Variants in CYP2R1 observed in about 807,000 individuals in gnomAD.
CYP2R1 encodes vitamin D 25-hydroxylase.
In CYP2R1, 40 loss-of-function variants were observed where a neutral mutation model predicts 45.7. That is an observed-to-expected ratio of 0.87 (90% CI 0.68 to 1.14). The LOEUF is 1.14. Among genes scored for constraint, CYP2R1 ranks in the 50% most tolerant of loss-of-function variants. The probability of loss-of-function intolerance (pLI) is 0.00; values close to 1 mark genes in which losing one functional copy is unlikely to be tolerated. For missense variants in CYP2R1, 605 were observed against 602.6 expected (o/e 1.00, Z -0.04); for synonymous variants, 234 against 219.3 (o/e 1.07, Z -0.59).
chr11:14,891,970 C>G lies in CYP2R1; in HGVS notation c.225+11G>C. On this transcript the variant is annotated intron_variant, in intron 1 of 4. Coordinates refer to ENST00000334636, the MANE Select transcript of CYP2R1 (RefSeq NM_024514.5). ...GCGGCCCTCCCTGCCCGGGGCCCGT[C>G]GGGGCTGTACCTCTCCGTACACCTG... is the stretch of plus-strand genomic sequence containing the variant. 6.2e-7 allele frequency: 1 copy of G among 1,612,108 alleles called. No individual in the cohort carries two copies. Among genetic ancestry groups the G allele is most frequent in the Non-Finnish European group, 8.5e-7 (1 of 1,179,422 alleles).
chr11:14,878,125 G>A lies in CYP2R1; in HGVS notation c.1503C>T (p.Arg501=), dbSNP rs1350207175. The change falls in exon 5 of 5, where the codon CGC becomes CGT. Residue 501 remains arginine (R), a synonymous_variant. Transcript: ENST00000334636. ...PQPYLICAER[R] Reference sequence around the variant, plus strand: ...CCCGAAAACATCCCAGGCAGTTTCAGCGTCTTTCAGCACAGATGAGGTAGG... The same window carrying A: ...CCCGAAAACATCCCAGGCAGTTTCAACGTCTTTCAGCACAGATGAGGTAGG... 2.5e-6 allele frequency: 4 copies of A among 1,612,812 alleles called. No individual in the cohort carries two copies. Among genetic ancestry groups the A allele is most frequent in the Non-Finnish European group, 3.4e-6 (4 of 1,179,320 alleles).
At chr11:14,883,610 G>A (rs561333130) in intron 2 of CYP2R1, among the ~76,000 whole-genome samples, 1 of 152,178 alleles carries the variant, frequency 6.6e-6, no homozygotes, top group East Asian at 1.9e-4. Context: ...TTACCATTCA[G>A]GAGATAGGCA....
Position 14,877,853 on chromosome 11 carries a change from C to T in CYP2R1, c.*269G>A. ...AAACAAGATGCTCAGCTTAGGGCGT[C>T]CATGACCCTTCTTAGCATTTTAAGC... On this transcript the variant is annotated 3_prime_UTR_variant, in exon 5 of 5. Transcript: ENST00000334636. 1 of 422,472 alleles carries T rather than the reference C, an allele frequency of 2.4e-6. No individual in the cohort carries two copies. The highest frequency in any genetic ancestry group is 6.6e-4 in the Middle Eastern group (1 of 1,508). The allele number at this position is 422,472 out of a possible 1,614,324, so 26.2% of individuals were successfully genotyped here. A position where few individuals can be genotyped will look rare whatever the true frequency, so the allele number is the denominator to read the frequency against.
At chr11:14,879,040 A>G (rs1555010716) in intron 4 of CYP2R1, 74 bp downstream of exon 4, 4 of 1,191,402 alleles carry the variant, frequency 3.4e-6, no homozygotes, top group Non-Finnish European at 5.0e-6. Context: ...AGGATGCTTC[A>G]GATTAAGATG....
In CYP2R1 at chr11:14,880,536, G is replaced by A; in HGVS notation, c.600C>T (p.Phe200=). ...GCTGAAAATCGGTGTCTTCATAAGTGAATCGTTCTCCAAAAATGATCAGAT... is the reference window on the plus strand; with the variant it reads ...GCTGAAAATCGGTGTCTTCATAAGTAAATCGTTCTCCAAAAATGATCAGAT... ...ITNLIIFGER[F]TYEDTDFQHM... The change falls in exon 3 of 5, where the codon TTC becomes TTT. Residue 200 remains phenylalanine, a synonymous_variant. Transcript: ENST00000334636. 1 of 1,613,446 alleles carries A rather than the reference G, an allele frequency of 6.2e-7. No individual in the cohort carries two copies. The highest frequency in any genetic ancestry group is 1.7e-5 in the Admixed American group (1 of 59,852).
chr11:14,877,604 A>C lies in CYP2R1; in HGVS notation c.*518T>G, dbSNP rs1848207896. The C allele has an allele frequency of 6.6e-6, 1 of 152,626 alleles. No homozygotes were observed. The highest frequency in any genetic ancestry group is 6.5e-5 in the Admixed American group (1 of 15,312). 9.5% of individuals were successfully genotyped at this position (152,626 alleles called of 1,614,324 possible). A position where few individuals can be genotyped will look rare whatever the true frequency, so the allele number is the denominator to read the frequency against. On this transcript the variant is annotated 3_prime_UTR_variant, in exon 5 of 5. Coordinates refer to ENST00000334636, the MANE Select transcript of CYP2R1 (RefSeq NM_024514.5). ...GAAAGCACTGGCAGGCTCTACATTA[A>C]ATACATATTTCTTCTACCATCTCCC...
chr11:14,887,943 T>C (rs1221075929), intron 1 of CYP2R1, among the ~76,000 whole-genome samples: 10 of 152,220 alleles, frequency 6.6e-5, no homozygotes, highest in Non-Finnish European at 1.3e-4. Context: ...CCTAATTTCA[T>C]CCTTGTCTTT....
In CYP2R1 at chr11:14,878,178, T is replaced by G; in HGVS notation, c.1450A>C (p.Arg484=). The change falls in exon 5 of 5, where the codon AGG becomes CGG. Residue 484 remains arginine, a synonymous_variant. Transcript: ENST00000334636. ...TGGGGCTGCAATGTCATGCCTAACC[T>G]GGGCTTCAGATCTGGAACTAGTTCA... The part of the protein sequence containing the change: ...PHELVPDLKP[R]LGMTLQPQPY... 1 of 1,613,214 alleles carries G rather than the reference T, an allele frequency of 6.2e-7. No homozygotes were observed. The highest frequency in any genetic ancestry group is 8.5e-7 in the Non-Finnish European group (1 of 1,179,478).
rs545808963 is a variant in CYP2R1 at position 14,891,007 on chromosome 11, C to T, written c.225+974G>A. 1.2e-5 allele frequency: 12 copies of T among 985,444 alleles called. No individual in the cohort carries two copies. In the Admixed American group the frequency reaches 6.8e-4, roughly 55 times the overall value. The allele number at this position is 985,444 out of a possible 1,614,324, so 61.0% of individuals were successfully genotyped here. A position where few individuals can be genotyped will look rare whatever the true frequency, so the allele number is the denominator to read the frequency against. ...TTTCTCTCTCCCACTCATCTGCCAA[C>T]TCCTTAAAAGGCTGTATCTGCCTTC... On this transcript the variant is annotated intron_variant, in intron 1 of 4. Transcript: ENST00000334636.
intron 1 of CYP2R1, among the ~76,000 whole-genome samples, chr11:14,889,975 A>G (rs1431870592): frequency 6.6e-6 from 1 of 151,988 alleles, no homozygotes; most frequent in Non-Finnish European, 1.5e-5. Context: ...AAAAATTACA[A>G]AAAATTAGCC....
At chr11:14,883,693 T>C (rs1276009248) in intron 2 of CYP2R1, among the ~76,000 whole-genome samples, 2 of 152,054 alleles carry the variant, frequency 1.3e-5, no homozygotes, top group Admixed American at 6.5e-5. Flanking sequence ...TGGGATCTAA[T>C]TAAACTCAAG....
In CYP2R1 at chr11:14,880,447, T is replaced by C. The variant is rs1848333656; in HGVS notation, c.689A>G (p.Asn230Ser). 6.2e-7 allele frequency: 1 copy of C among 1,613,472 alleles called. No individual in the cohort carries two copies. The highest frequency in any genetic ancestry group is 8.5e-7 in the Non-Finnish European group (1 of 1,179,684). The change falls in exon 3 of 5, where the codon AAT becomes AGT. Residue 230 changes from asparagine (N) to serine (S), a missense_variant. Physicochemically the swap from Asn to Ser is conservative, Grantham distance 46 (BLOSUM62 1). Coordinates refer to ENST00000334636, the MANE Select transcript of CYP2R1 (RefSeq NM_024514.5). ...CAGGATGCCAATCCATGGAAAGGCA[T>C]TATACAAGAAGACTGAGGCACTGGC... is the stretch of plus-strand genomic sequence containing the variant. ...LAASASVFLYNAFPWIGILPF... is the reference protein window; with the variant it reads ...LAASASVFLYSAFPWIGILPF...
chr11:14,891,632 G>C (rs1374199478), intron 1 of CYP2R1: 1 of 1,102,100 alleles, frequency 9.1e-7, no homozygotes, highest in Non-Finnish European at 1.1e-6. Flanking sequence ...CCGCACCTGA[G>C]GGCATGCGTC....
rs1425830673 is a variant in CYP2R1 at position 14,885,930 on chromosome 11, A to G, written c.226-13T>C. 6.2e-7 allele frequency: 1 copy of G among 1,612,238 alleles called. No individual in the cohort carries two copies. The highest frequency in any genetic ancestry group is 8.5e-7 in the Non-Finnish European group (1 of 1,178,706). Reference sequence around the variant, plus strand: ...CTAAACTGAAGATCTTTGAGAAGAGAAGAAAAACAACATTTAAATGACAGC... The same window carrying G: ...CTAAACTGAAGATCTTTGAGAAGAGGAGAAAAACAACATTTAAATGACAGC... On this transcript the variant is annotated splice_polypyrimidine_tract_variant and intron_variant, in intron 1 of 4. Coordinates refer to ENST00000334636, the MANE Select transcript of CYP2R1 (RefSeq NM_024514.5).
chr11:14,885,057 A>G (rs1848560769), intron 2 of CYP2R1, among the ~76,000 whole-genome samples: 1 of 152,090 alleles, frequency 6.6e-6, no homozygotes, highest in South Asian at 2.1e-4. Context: ...TTTTCAACCA[A>G]TGTCTTTAGT....
intron 4 of CYP2R1, 129 bp downstream of exon 4, chr11:14,878,985 G>A: frequency 1.3e-6 from 1 of 764,268 alleles, no homozygotes; most frequent in East Asian, 2.7e-5. Context: ...TCTCCTGTTA[G>A]AATCAGTTCT....
rs782615481 is a variant in CYP2R1, at chr11:14,892,192, C to G, written c.14G>C (p.Trp5Ser). 33 of 1,610,180 alleles carry G rather than the reference C, an allele frequency of 2.0e-5. No individual in the cohort carries two copies. The highest frequency in any genetic ancestry group is 2.7e-5 in the Non-Finnish European group (32 of 1,179,818). ...CGCCGCCGCGCCCTCTTCAGCTCTC[C>G]AAAGCTTCCACATCGGCCCGAGCTG... The part of the protein sequence containing the change: MWKL[W>S]RAEEGAAALG... Residue 5 changes from tryptophan (W) to serine (S), a missense_variant, in exon 1 of 5, where the codon TGG becomes TCG. Coordinates refer to ENST00000334636, the MANE Select transcript of CYP2R1 (RefSeq NM_024514.5).
intron 2 of CYP2R1, 74 bp from the exon 3 acceptor site, chr11:14,880,842 T>C (rs1565179935): frequency 7.0e-7 from 1 of 1,422,110 alleles, no homozygotes; most frequent in Non-Finnish European, 9.5e-7. Flanking sequence ...ACAAAATTTT[T>C]TTAATGGATG....
rs782794787 is a variant in CYP2R1 at position 14,892,002 on chromosome 11, C to G, written c.204G>C (p.Lys68Asn). 3.7e-6 allele frequency: 6 copies of G among 1,613,466 alleles called. No homozygotes were observed. Among genetic ancestry groups the G allele is most frequent in the African/African-American group, 1.3e-5 (1 of 75,038 alleles). ...SSELPHVYMR[K>N]QSQVYGEIFS... is the part of the protein sequence containing the mutation. ...GTACCTCTCCGTACACCTGGCTCTGCTTTCTCATGTAGACATGGGGAAGCT... is the reference window on the plus strand; with the variant it reads ...GTACCTCTCCGTACACCTGGCTCTGGTTTCTCATGTAGACATGGGGAAGCT... The change falls in exon 1 of 5, where the codon AAG becomes AAC. Residue 68 changes from lysine to asparagine, a missense_variant. By Grantham distance (94) the Lys-to-Asn change is moderately conservative. Transcript: ENST00000334636.
Sources: gnomAD v4.1 joint callset for allele counts (sites outside exome capture counted in the v4.1 genomes callset) on GRCh38, gnomAD v4.1.1 for gene constraint, MANE v1.5 for transcripts, NCBI Gene and HGNC (gene_info 2026-07-23, HGNC 2026-07-21) for gene names.